Variants in CDK14 observed in about 807,000 individuals in gnomAD.
CDK14 encodes the protein cyclin dependent kinase 14.
CDK14 carries 34 observed loss-of-function variants against 60.7 expected under a neutral mutation model. The ratio of observed to expected loss-of-function variants is 0.56; its 90% confidence interval spans 0.43 to 0.75. The LOEUF (loss-of-function observed/expected upper bound fraction) is 0.75, where lower values mean the gene tolerates loss of function less well. Ranked by LOEUF, CDK14 falls within the 30% of genes least tolerant of loss-of-function variation. The probability of loss-of-function intolerance (pLI) is 0.00; values close to 1 mark genes in which losing one functional copy is unlikely to be tolerated. For synonymous variants in CDK14, 197 were observed against 203.7 expected (o/e 0.97, Z 0.28); for missense variants, 482 against 564.1 (o/e 0.85, Z 1.47).
intron 2 of CDK14, among the ~76,000 whole-genome samples, chr7:90,638,307 C>A (rs1007631175): frequency 1.8e-4 from 27 of 152,094 alleles, no homozygotes; most frequent in Admixed American, 5.2e-4. Context: ...CCTTCGGGAG[C>A]TCTTTTAGGG....
At chr7:91,158,444 G>A (rs1029725268) in intron 14 of CDK14, among the ~76,000 whole-genome samples, 1 of 151,782 alleles carries the variant, frequency 6.6e-6, no homozygotes. Flanking sequence ...CTCAAACTCC[G>A]CAGCTCAAGC....
chr7:90,607,992 T>C (rs1043854825), intron 2 of CDK14, among the ~76,000 whole-genome samples: 3 of 152,222 alleles, frequency 2.0e-5, no homozygotes, highest in African/African-American at 7.2e-5. Flanking sequence ...TACATAATTA[T>C]TGGAGAAACA....
At chr7:91,091,038 A>G (rs1584042987) in intron 12 of CDK14, among the ~76,000 whole-genome samples, 1 of 151,720 alleles carries the variant, frequency 6.6e-6, no homozygotes, top group East Asian at 1.9e-4. Context: ...AGCTGTTTAC[A>G]TTGACTACAA....
At chr7:91,121,915 A>G (rs892245655) in intron 14 of CDK14, among the ~76,000 whole-genome samples, 1 of 152,220 alleles carries the variant, frequency 6.6e-6, no homozygotes, top group African/African-American at 2.4e-5. Flanking sequence ...TTTTGCATGC[A>G]GTGATACCAA....
At chr7:90,666,983 A>T (rs761783138) in intron 2 of CDK14, among the ~76,000 whole-genome samples, 6 of 152,204 alleles carry the variant, frequency 3.9e-5, no homozygotes, top group Non-Finnish European at 8.8e-5. Context: ...ACCCTTAGCA[A>T]GGTTTTGCCA....
At chr7:91,080,846 G>A (rs1365530283) in intron 12 of CDK14, among the ~76,000 whole-genome samples, 2 of 152,132 alleles carry the variant, frequency 1.3e-5, no homozygotes, top group Non-Finnish European at 2.9e-5. Flanking sequence ...CATTTCTGGA[G>A]AATAGGTAAT....
Position 90,890,708 on chromosome 7 carries a change from A to G in CDK14, c.640-8583A>G, listed in dbSNP as rs569285522. On this transcript the variant is annotated intron_variant, in intron 6 of 14. Coordinates refer to ENST00000380050, the MANE Select transcript of CDK14 (RefSeq NM_001287135.2). Reference sequence around the variant, plus strand: ...TTGAACCTAACTGCTCAGTAATTTCATGTTTTAATTCTTATAGCAATGTAG... The same window carrying G: ...TTGAACCTAACTGCTCAGTAATTTCGTGTTTTAATTCTTATAGCAATGTAG... 4.6e-5 allele frequency among the ~76,000 whole-genome samples: 7 copies of G among 152,340 alleles called. No individual in the cohort carries two copies. The East Asian group carries it at 7.7e-4, about 17-fold the overall frequency.
At chr7:90,904,702 G>A (rs997927517) in intron 7 of CDK14, among the ~76,000 whole-genome samples, 3 of 152,182 alleles carry the variant, frequency 2.0e-5, no homozygotes, top group South Asian at 2.1e-4. Flanking sequence ...TCTTTCAAAT[G>A]TATAGGATTG....
intron 2 of CDK14, among the ~76,000 whole-genome samples, chr7:90,676,641 T>C (rs1003687117): frequency 6.6e-6 from 1 of 151,086 alleles, no homozygotes; most frequent in African/African-American, 2.4e-5. Flanking sequence ...CAAGCGATCC[T>C]CCCACCTCAG....
chr7:90,625,776 CCCCCGG>C, intron 2 of CDK14, among the ~76,000 whole-genome samples: 1 of 152,270 alleles, frequency 6.6e-6, no homozygotes, highest in East Asian at 1.9e-4. Context: ...TGGGATTGTT[CCCCCGG>C]CCAGGAATGA....
chr7:91,201,905 A>C (rs1802740736), intron 14 of CDK14, among the ~76,000 whole-genome samples: 1 of 152,182 alleles, frequency 6.6e-6, no homozygotes, highest in Non-Finnish European at 1.5e-5. Context: ...ATTTTCCCCA[A>C]AGGCTTTGGC....
In CDK14 at chr7:90,977,561, A is replaced by G. The variant is rs560190153; in HGVS notation, c.948-6587A>G. ...CTTTAAGACTAGGAGATCAATTTCT[A>G]TGTTTATTTTTTTTAAAAGACCATA... On this transcript the variant is annotated intron_variant, in intron 9 of 14. Transcript: ENST00000380050. 1.7e-3 allele frequency among the ~76,000 whole-genome samples: 252 copies of G among 152,250 alleles called. 1 individual carries two copies. Among genetic ancestry groups the G allele is most frequent in the Middle Eastern group, 6.8e-3 (2 of 294 alleles).
intron 4 of CDK14, among the ~76,000 whole-genome samples, chr7:90,787,100 C>G (rs185453318): frequency 2.0e-5 from 3 of 151,936 alleles, no homozygotes; most frequent in Non-Finnish European, 4.4e-5. Flanking sequence ...TGTTGAGACA[C>G]GTAGATAAAA....
Position 90,596,486 on chromosome 7 carries a change from C to G in CDK14, c.-142C>G, listed in dbSNP as rs1408815135. 1 of 662,484 alleles carries G rather than the reference C, an allele frequency of 1.5e-6. No homozygotes were observed. The highest frequency in any genetic ancestry group is 2.7e-6 in the Non-Finnish European group (1 of 376,014). 41.0% of individuals were successfully genotyped at this position (662,484 alleles called of 1,614,324 possible). On this transcript the variant is annotated 5_prime_UTR_variant, in exon 1 of 15. Coordinates refer to ENST00000380050, the MANE Select transcript of CDK14 (RefSeq NM_001287135.2). ...CTCCGCCTGCCTGCTGCTCGCCTCC[C>G]TAGACCTGCGCGTCGCTTCCCGGCC...
chr7:91,078,573 C>G (rs1798390095), intron 11 of CDK14, among the ~76,000 whole-genome samples: 1 of 151,966 alleles, frequency 6.6e-6, no homozygotes, highest in Non-Finnish European at 1.5e-5. Flanking sequence ...GGCCATTGCA[C>G]TACAGCGTGG....
chr7:90,767,471 C>T (rs976100234), intron 4 of CDK14, among the ~76,000 whole-genome samples: 3 of 152,122 alleles, frequency 2.0e-5, no homozygotes, highest in Admixed American at 1.3e-4. Flanking sequence ...ATTTTCCCCC[C>T]TTGTTTCACC....
intron 4 of CDK14, among the ~76,000 whole-genome samples, chr7:90,771,445 A>G (rs1005617526): frequency 1.3e-5 from 2 of 152,202 alleles, no homozygotes; most frequent in Non-Finnish European, 2.9e-5. Context: ...ACCAAAAGGA[A>G]TGAGGTACAC....
chr7:90,703,600 TAATTG>T (rs1287311304), intron 2 of CDK14, among the ~76,000 whole-genome samples: 1 of 152,208 alleles, frequency 6.6e-6, no homozygotes, highest in African/African-American at 2.4e-5. Flanking sequence ...CAAGGGTTTG[TAATTG>T]AATTAATGAG....
chr7:90,779,023 G>T (rs1309593420), intron 4 of CDK14, among the ~76,000 whole-genome samples: 3 of 151,760 alleles, frequency 2.0e-5, no homozygotes, highest in African/African-American at 7.3e-5. Flanking sequence ...TAGGCCGAGG[G>T]GTGGATCATA....
Sources: allele counts gnomAD v4.1 joint callset (sites outside exome capture counted in the v4.1 genomes callset), GRCh38; gene constraint gnomAD v4.1.1; transcripts MANE v1.5; gene names NCBI Gene and HGNC (gene_info 2026-07-23, HGNC 2026-07-21).